Variants in NRXN1 observed in about 807,000 individuals in gnomAD.
NRXN1 encodes neurexin 1.
NRXN1 carries 39 observed loss-of-function variants against 150.9 expected under a neutral mutation model. The observed-to-expected ratio is 0.26, with a 90% CI of 0.20 to 0.34. The LOEUF (loss-of-function observed/expected upper bound fraction) is 0.34, where lower values mean the gene tolerates loss of function less well. Among genes scored for constraint, NRXN1 ranks in the 10% least tolerant of loss-of-function variants. The pLI, the probability that NRXN1 is intolerant of heterozygous loss-of-function variation, is 1.00. For missense variants in NRXN1, 1,815 were observed against 1,949.9 expected (o/e 0.93, Z 1.30); for synonymous variants, 924 against 757.0 (o/e 1.22, Z -3.62).
At chr2:50,702,211 G>A (rs898979580) in intron 5 of NRXN1, among the ~76,000 whole-genome samples, 1 of 151,976 alleles carries the variant, frequency 6.6e-6, no homozygotes, top group African/African-American at 2.4e-5. Context: ...ATATAACTTT[G>A]TTTAAACCAG....
intron 5 of NRXN1, among the ~76,000 whole-genome samples, chr2:50,674,239 G>A (rs1480754134): frequency 6.6e-6 from 1 of 152,096 alleles, no homozygotes; most frequent in African/African-American, 2.4e-5. Flanking sequence ...TGAAAGAAAA[G>A]TCATTCTCGT....
intron 18 of NRXN1, among the ~76,000 whole-genome samples, chr2:50,147,303 A>G (rs1382667405): frequency 6.6e-6 from 1 of 151,890 alleles, no homozygotes; most frequent in East Asian, 1.9e-4. Context: ...CTAGGAGAGA[A>G]GGCATATGCA....
chr2:50,346,874 C>T lies in NRXN1; in HGVS notation c.3365-109904G>A. The T allele has an allele frequency of 1.5e-6, 2 of 1,290,442 alleles. No homozygotes were observed. Among genetic ancestry groups the T allele is most frequent in the Non-Finnish European group, 2.0e-6 (2 of 1,024,572 alleles). 79.9% of individuals were successfully genotyped at this position (1,290,442 alleles called of 1,614,324 possible). On this transcript the variant is annotated intron_variant, in intron 17 of 22. Coordinates refer to ENST00000401669, the MANE Select transcript of NRXN1 (RefSeq NM_001330078.2). The surrounding 1 kb of genome is among the most constrained non-coding windows in gnomAD (Gnocchi z 5.0). ...AGCAGGGCCAGGCGCCCCCCTGCGC[C>T]GCCGCCGCCGCCGCCGCCGCCGCCG...
At chr2:50,588,972 T>C (rs1673645214) in intron 8 of NRXN1, 1 of 152,190 alleles carries the variant, frequency 6.6e-6, no homozygotes, top group South Asian at 2.1e-4. Flanking sequence ...ACTATGCCCA[T>C]ATACCCGAAT....
chr2:49,998,315 A>G (rs1391893691), intron 21 of NRXN1, among the ~76,000 whole-genome samples: 1 of 152,198 alleles, frequency 6.6e-6, no homozygotes, highest in Non-Finnish European at 1.5e-5. Flanking sequence ...TAGTACAATG[A>G]GAAGGATAAC....
chr2:50,597,584 C>A (rs555595302), intron 8 of NRXN1, among the ~76,000 whole-genome samples: 10 of 152,164 alleles, frequency 6.6e-5, no homozygotes, highest in Non-Finnish European at 1.2e-4. Context: ...CCAGAATGAG[C>A]ATGGCATATC....
intron 5 of NRXN1, among the ~76,000 whole-genome samples, chr2:50,832,416 C>T (rs1671530787): frequency 6.6e-6 from 1 of 152,076 alleles, no homozygotes; most frequent in South Asian, 2.1e-4. Flanking sequence ...TTTTGGGAGT[C>T]CACGGTGGGC....
intron 5 of NRXN1, among the ~76,000 whole-genome samples, chr2:50,804,265 C>T (rs896052418): frequency 6.6e-6 from 1 of 152,096 alleles, no homozygotes; most frequent in African/African-American, 2.4e-5. Context: ...TTATGGTATA[C>T]AATGACACTA....
chr2:50,373,690 G>GAAAGAAAGAAAGAAA (rs1558620583), intron 17 of NRXN1, among the ~76,000 whole-genome samples: 4 of 91,678 alleles, frequency 4.4e-5, no homozygotes, highest in African/African-American at 2.0e-4. Flanking sequence ...AAAGAAAGAA[G>GAAAGAAAGAAAGAAA]GAAAGAAAGA....
At chr2:50,514,860 T>C (rs769647769) in intron 12 of NRXN1, among the ~76,000 whole-genome samples, 21 of 152,366 alleles carry the variant, frequency 1.4e-4, no homozygotes, top group Non-Finnish European at 2.4e-4. Flanking sequence ...ACCTGAGTTT[T>C]AGATTCGATA....
chr2:50,842,093 A>T (rs913399865), intron 5 of NRXN1, among the ~76,000 whole-genome samples: 3 of 152,214 alleles, frequency 2.0e-5, no homozygotes, highest in Non-Finnish European at 4.4e-5. Context: ...TGGGTCAAGT[A>T]CCCAGCATCT....
intron 21 of NRXN1, among the ~76,000 whole-genome samples, chr2:49,999,241 C>T (rs932239234): frequency 1.3e-5 from 2 of 152,060 alleles, no homozygotes; most frequent in Non-Finnish European, 2.9e-5. Flanking sequence ...TGGCTACTCT[C>T]CTATAAATAA....
At chr2:49,996,641 G>T (rs1326955113) in intron 21 of NRXN1, among the ~76,000 whole-genome samples, 3 of 152,146 alleles carry the variant, frequency 2.0e-5, no homozygotes, top group African/African-American at 7.2e-5. Context: ...TATACTAATG[G>T]AAGCAGGGAT....
chr2:50,010,337 G>C (rs1316533510), intron 21 of NRXN1, among the ~76,000 whole-genome samples: 1 of 152,064 alleles, frequency 6.6e-6, no homozygotes, highest in East Asian at 1.9e-4. Flanking sequence ...GATTTCTTTT[G>C]AATGTTCTCC....
rs187954666 is a variant in NRXN1, at chr2:50,960,986, C to T, written c.773-35031G>A. On this transcript the variant is annotated intron_variant, in intron 2 of 22. Transcript: ENST00000401669. ...ACATTGGTCTCATTACCACCATTTT[C>T]GGGTGAGTAGTATATAAGTTTTTGT... 1.9e-3 allele frequency among the ~76,000 whole-genome samples: 282 copies of T among 151,928 alleles called. 1 individual carries two copies. Among genetic ancestry groups the T allele is most frequent in the African/African-American group, 6.5e-3 (271 of 41,486 alleles).
In NRXN1 at chr2:49,965,948, A is replaced by C. The variant is rs371469411; in HGVS notation, c.4129-22157T>G. Among the ~76,000 whole-genome samples, 15 of 152,358 alleles carry C rather than the reference A, an allele frequency of 9.8e-5. No homozygotes were observed. In the East Asian group the frequency reaches 2.3e-3, roughly 23 times the overall value. On this transcript the variant is annotated intron_variant, in intron 21 of 22. Transcript: ENST00000401669. ...AATACACACAGTAGGTACAGCATTC[A>C]CATACGCAATTATTTAGCAGGTTCA... is the stretch of plus-strand genomic sequence containing the variant.
At position 50,302,574 on chromosome 2, in the gene NRXN1, T is replaced by G. The variant is rs545118460; in HGVS notation, c.3365-65604A>C. On this transcript the variant is annotated intron_variant, in intron 17 of 22. Transcript: ENST00000401669. Reference sequence around the variant, plus strand: ...TCTATTTTCCAATTTGGAAAGCGTGTTGCAGTTTCGATTTATACACTGGGA... The same window carrying G: ...TCTATTTTCCAATTTGGAAAGCGTGGTGCAGTTTCGATTTATACACTGGGA... Among the ~76,000 whole-genome samples the G allele has an allele frequency of 2.6e-5, 4 of 152,314 alleles. No homozygotes were observed. The East Asian group carries it at 5.8e-4, about 22-fold the overall frequency.
intron 5 of NRXN1, among the ~76,000 whole-genome samples, chr2:50,910,284 C>T (rs919216282): frequency 6.6e-5 from 10 of 151,988 alleles, no homozygotes; most frequent in Non-Finnish European, 1.2e-4. Flanking sequence ...ACACCCAATA[C>T]TCTGCCACAT....
chr2:50,693,198 C>A (rs569703936), intron 5 of NRXN1, among the ~76,000 whole-genome samples: 20 of 152,184 alleles, frequency 1.3e-4, no homozygotes, highest in African/African-American at 4.1e-4. Context: ...GGAGAGAATA[C>A]AAAAGGAAAA....
Sources: allele counts gnomAD v4.1 joint callset (sites outside exome capture counted in the v4.1 genomes callset), GRCh38; gene constraint gnomAD v4.1.1; non-coding constraint Gnocchi (gnomAD v3.1); transcripts MANE v1.5; gene names NCBI Gene and HGNC (gene_info 2026-07-23, HGNC 2026-07-21).